CCDC30: variants seen among roughly 807,000 people sequenced by gnomAD.
CCDC30 encodes coiled-coil domain-containing protein 30.
CCDC30 carries 70 observed loss-of-function variants against 100.2 expected under a neutral mutation model. The observed-to-expected ratio is 0.70, with a 90% CI of 0.58 to 0.85. CCDC30 has a LOEUF of 0.85. Among genes scored for constraint, CCDC30 ranks in the 40% least tolerant of loss-of-function variants. The pLI is 0.00. For synonymous variants in CCDC30, 233 were observed against 269.5 expected (o/e 0.86, Z 1.33); for missense variants, 652 against 771.2 (o/e 0.85, Z 1.83).
At chr1:42,547,144 AT>A (rs1315700464) in intron 6 of CCDC30, among the ~76,000 whole-genome samples, 16 of 152,306 alleles carry the variant, frequency 1.1e-4, no homozygotes, top group African/African-American at 3.8e-4. Context: ...GTGGGAGAGC[AT>A]CTTGGAGTGA....
At chr1:42,535,608 C>T (rs1644880377) in intron 6 of CCDC30, among the ~76,000 whole-genome samples, 1 of 117,090 alleles carries the variant, frequency 8.5e-6, no homozygotes, top group Non-Finnish European at 1.7e-5. Context: ...ACCTGTAATC[C>T]CAGCACTTTG....
intron 11 of CCDC30, among the ~76,000 whole-genome samples, chr1:42,626,095 T>A (rs1340452781): frequency 6.6e-6 from 1 of 152,202 alleles, no homozygotes; most frequent in Non-Finnish European, 1.5e-5. Flanking sequence ...GACCCCTTTA[T>A]TATTATATAA....
At chr1:42,462,891 G>A (rs1030354627), upstream of CCDC30, among the ~76,000 whole-genome samples, 1 of 152,162 alleles carries the variant, frequency 6.6e-6, no homozygotes, top group Non-Finnish European at 1.5e-5. Flanking sequence ...CTAGTGACAC[G>A]ATCTAGGCCT....
chr1:42,622,616 T>A (rs1219112728), intron 11 of CCDC30, among the ~76,000 whole-genome samples: 1 of 152,074 alleles, frequency 6.6e-6, no homozygotes, highest in Non-Finnish European at 1.5e-5. Flanking sequence ...ACAGGCGTAC[T>A]TATGCACCAC....
At chr1:42,568,428 T>C (rs1304434317) in intron 7 of CCDC30, among the ~76,000 whole-genome samples, 1 of 152,118 alleles carries the variant, frequency 6.6e-6, no homozygotes, top group Non-Finnish European at 1.5e-5. Context: ...CTACTTTATC[T>C]CTTACGAACA....
intron 11 of CCDC30, among the ~76,000 whole-genome samples, chr1:42,627,792 C>G (rs1313509313): frequency 6.6e-6 from 1 of 152,238 alleles, no homozygotes; most frequent in Non-Finnish European, 1.5e-5. Context: ...TTAGGAACCT[C>G]CACCTAGATT....
chr1:42,541,081 G>A (rs1645002535), intron 6 of CCDC30, among the ~76,000 whole-genome samples: 1 of 152,124 alleles, frequency 6.6e-6, no homozygotes, highest in African/African-American at 2.4e-5. Context: ...CAATAGACTG[G>A]GTAGATTAAA....
intron 11 of CCDC30, among the ~76,000 whole-genome samples, chr1:42,631,096 T>G (rs2148669292): frequency 6.6e-6 from 1 of 152,292 alleles, no homozygotes; most frequent in Non-Finnish European, 1.5e-5. Context: ...GGCTTATTTG[T>G]ACCCATCCTT....
At chr1:42,600,467 A>G (rs1042900915) in intron 10 of CCDC30, among the ~76,000 whole-genome samples, 1 of 152,170 alleles carries the variant, frequency 6.6e-6, no homozygotes, top group African/African-American at 2.4e-5. Flanking sequence ...ATATCTATAG[A>G]CTACTTCACC....
rs549601709 is a variant in CCDC30 at position 42,599,204 on chromosome 1, C to G, written c.1164+9721C>G. ...AACTGTGTATAAATATATATACACA[C>G]ACATACATACACTTAGATATGCTTA... On this transcript the variant is annotated intron_variant, in intron 10 of 16. Coordinates refer to ENST00000668663, the Ensembl canonical transcript of CCDC30. Among the ~76,000 whole-genome samples, 4 of 152,212 alleles carry G rather than the reference C, an allele frequency of 2.6e-5. No homozygotes were observed. In the East Asian group the frequency reaches 7.7e-4, roughly 29 times the overall value.
chr1:42,482,037 T>C (rs1406679857), intron 2 of CCDC30, among the ~76,000 whole-genome samples: 1 of 152,052 alleles, frequency 6.6e-6, no homozygotes, highest in African/African-American at 2.4e-5. Flanking sequence ...GCCAACATGG[T>C]GACATCCCAT....
intron 12 of CCDC30, 128 bp from the exon 17 acceptor site, chr1:42,642,345 C>G (rs972431902): frequency 4.3e-5 from 30 of 695,436 alleles, no homozygotes; most frequent in Non-Finnish European, 1.1e-5. Flanking sequence ...CAGATAGAAA[C>G]AGACTAGGGG....
downstream of CCDC30, among the ~76,000 whole-genome samples, chr1:42,656,523 C>T (rs1295231981): frequency 3.3e-5 from 5 of 152,002 alleles, no homozygotes; most frequent in African/African-American, 7.2e-5. Context: ...CCCTGCTATG[C>T]GGGAGGCTGA....
At chr1:42,456,893 C>T in the CCDC30 span, 83 of 1,612,338 alleles carry the variant, frequency 5.1e-5, no homozygotes, top group Non-Finnish European at 6.1e-5. Context: ...GCCTTCGGGC[C>T]CAGCCCTTTC....
downstream of CCDC30, chr1:42,654,217 G>C: frequency 1.7e-6 from 1 of 585,896 alleles, no homozygotes; most frequent in East Asian, 2.9e-5. Flanking sequence ...GATATCCTCA[G>C]ATGCCTTGTA....
intron 7 of CCDC30, among the ~76,000 whole-genome samples, chr1:42,566,740 C>T (rs117307707): frequency 1.6e-4 from 25 of 152,224 alleles, no homozygotes; most frequent in Non-Finnish European, 2.1e-4. Context: ...TTCAGTGACC[C>T]GAGCCCTAAA....
At chr1:42,474,350 A>T (rs567278934) in intron 1 of CCDC30, among the ~76,000 whole-genome samples, 1 of 152,188 alleles carries the variant, frequency 6.6e-6, no homozygotes, top group Non-Finnish European at 1.5e-5. Flanking sequence ...CTTCAAAGGG[A>T]TTTGTGAGAT....
At chr1:42,592,011 T>A (rs1276640561) in intron 10 of CCDC30, 2 of 152,250 alleles carry the variant, frequency 1.3e-5, no homozygotes, top group African/African-American at 2.4e-5. Context: ...AATTTCTCCC[T>A]TTTGGAATTG....
chr1:42,458,213 TTTTG>T, the CCDC30 span, among the ~76,000 whole-genome samples: 1 of 152,188 alleles, frequency 6.6e-6, no homozygotes, highest in South Asian at 2.1e-4. Context: ...GAGATAAAGT[TTTTG>T]TTTGAGAACA....
Sources: gnomAD v4.1 joint callset for allele counts (sites outside exome capture counted in the v4.1 genomes callset) on GRCh38, gnomAD v4.1.1 for gene constraint, MANE v1.5 for transcripts, NCBI Gene and HGNC (gene_info 2026-07-23, HGNC 2026-07-21) for gene names.